MAGI2: variants seen among roughly 807,000 people sequenced by gnomAD.
The protein encoded by MAGI2 is membrane associated guanylate kinase, WW and PDZ domain containing 2.
MAGI2 carries 35 observed loss-of-function variants against 133.3 expected under a neutral mutation model. The ratio of observed to expected loss-of-function variants is 0.26; its 90% CI spans 0.20 to 0.35. The LOEUF (loss-of-function observed/expected upper bound fraction) is 0.35, where lower values mean the gene tolerates loss of function less well. Ranked by LOEUF, MAGI2 falls within the 10% of genes least tolerant of loss-of-function variation. The pLI, the probability that MAGI2 is intolerant of heterozygous loss-of-function variation, is 1.00. For missense variants in MAGI2, 1,636 were observed against 1,863.4 expected, an observed-to-expected ratio of 0.88 and a Z score of 2.25; for synonymous variants, 729 against 710.6, an observed-to-expected ratio of 1.03 and a Z score of -0.41.
Position 79,376,364 on chromosome 7 carries a change from G to A in MAGI2, c.301+76656C>T, listed in dbSNP as rs117450205. 2.0e-5 allele frequency among the ~76,000 whole-genome samples: 3 copies of A among 151,978 alleles called. No homozygotes were observed. The East Asian group carries it at 5.8e-4, about 29-fold the overall frequency. The stretch of plus-strand genomic sequence containing the variant: ...CTCTCTCAAAATATCTCATTCTACT[G>A]TACCCAACCTTCTTTTTTGTGATGA... On this transcript the variant is annotated intron_variant, in intron 1 of 21. Coordinates refer to ENST00000354212, the MANE Select transcript of MAGI2 (RefSeq NM_012301.4).
At chr7:78,955,452 A>G (rs1487833174) in intron 2 of MAGI2, among the ~76,000 whole-genome samples, 2 of 152,192 alleles carry the variant, frequency 1.3e-5, no homozygotes, top group African/African-American at 2.4e-5. Context: ...ATAAAGGTAC[A>G]TATTACAAAA....
intron 3 of MAGI2, among the ~76,000 whole-genome samples, chr7:78,533,147 T>A (rs981376987): frequency 2.0e-5 from 3 of 152,202 alleles, no homozygotes; most frequent in African/African-American, 7.2e-5. Context: ...CAACTAATTC[T>A]TTAAAGGTGT....
chr7:78,986,307 A>G (rs144535008), intron 2 of MAGI2, among the ~76,000 whole-genome samples: 246 of 152,198 alleles, frequency 1.6e-3, no homozygotes, highest in African/African-American at 5.8e-3. Flanking sequence ...CCTATATATC[A>G]TGTATTTAAG....
chr7:78,665,884 G>T (rs1284465607), intron 2 of MAGI2, among the ~76,000 whole-genome samples: 1 of 152,126 alleles, frequency 6.6e-6, no homozygotes, highest in Non-Finnish European at 1.5e-5. Context: ...CAGAGATATA[G>T]TCTGTATCTT....
intron 2 of MAGI2, among the ~76,000 whole-genome samples, chr7:78,704,428 G>A (rs780250347): frequency 2.6e-5 from 4 of 152,134 alleles, no homozygotes; most frequent in Non-Finnish European, 5.9e-5. Flanking sequence ...ACACGCTAGT[G>A]AAGTTGTGGA....
At position 78,038,855 on chromosome 7, in the gene MAGI2, G is replaced by T. The variant is rs187224776; in HGVS notation, c.3707-18879C>A. 5.3e-5 allele frequency among the ~76,000 whole-genome samples: 8 copies of T among 152,354 alleles called. No homozygotes were observed. In the East Asian group the frequency reaches 1.3e-3, roughly 26 times the overall value. On this transcript the variant is annotated intron_variant, in intron 21 of 21. Coordinates refer to ENST00000354212, the MANE Select transcript of MAGI2 (RefSeq NM_012301.4). Reference sequence around the variant, plus strand: ...TCACAGTGCCTGTTGGTTTAGTTAAGTTCGTGGGCGTTTTCACTGAGCCAA... The same window carrying T: ...TCACAGTGCCTGTTGGTTTAGTTAATTTCGTGGGCGTTTTCACTGAGCCAA...
At chr7:78,663,871 AC>A (rs1320559476) in intron 2 of MAGI2, among the ~76,000 whole-genome samples, 1 of 152,202 alleles carries the variant, frequency 6.6e-6, no homozygotes, top group Non-Finnish European at 1.5e-5. Flanking sequence ...ACTGATTATT[AC>A]ACTACAAAAT....
At chr7:78,705,501 T>A (rs1173691294) in intron 2 of MAGI2, among the ~76,000 whole-genome samples, 2 of 152,082 alleles carry the variant, frequency 1.3e-5, no homozygotes, top group African/African-American at 4.8e-5. Flanking sequence ...AATTCCAGGG[T>A]AAATCTAAAG....
At chr7:78,279,281 TG>T (rs1795328601) in intron 9 of MAGI2, among the ~76,000 whole-genome samples, 1 of 147,736 alleles carries the variant, frequency 6.8e-6, no homozygotes, top group Non-Finnish European at 1.5e-5. Context: ...ACAATTTTGA[TG>T]AGACATAGTC....
intron 1 of MAGI2, among the ~76,000 whole-genome samples, chr7:79,140,392 A>G (rs1174948367): frequency 6.6e-6 from 1 of 152,172 alleles, no homozygotes; most frequent in African/African-American, 2.4e-5. Context: ...AAGAATATGA[A>G]TTCCTCTCTG....
rs192152154 is a variant in MAGI2 at position 78,672,006 on chromosome 7, G to T, written c.419-44767C>A. 7.9e-5 allele frequency among the ~76,000 whole-genome samples: 12 copies of T among 152,222 alleles called. No individual in the cohort carries two copies. The East Asian group carries it at 1.5e-3, about 20-fold the overall frequency. ...TTTTAAGTGCAAAGTGACTAAAGAGGCAAGTTTAAGCTTTAGCTTGTAAGG... is the reference window on the plus strand; with the variant it reads ...TTTTAAGTGCAAAGTGACTAAAGAGTCAAGTTTAAGCTTTAGCTTGTAAGG... On this transcript the variant is annotated intron_variant, in intron 2 of 21. Coordinates refer to ENST00000354212, the MANE Select transcript of MAGI2 (RefSeq NM_012301.4).
intron 2 of MAGI2, among the ~76,000 whole-genome samples, chr7:78,686,910 A>G (rs548232148): frequency 4.6e-5 from 7 of 152,338 alleles, no homozygotes; most frequent in African/African-American, 1.7e-4. Flanking sequence ...AAGTTCTAAC[A>G]CCAGTAGCAT....
At chr7:78,571,960 C>T (rs1801543011) in intron 3 of MAGI2, among the ~76,000 whole-genome samples, 1 of 152,104 alleles carries the variant, frequency 6.6e-6, no homozygotes, top group African/African-American at 2.4e-5. Flanking sequence ...TGGCAAAGTC[C>T]TGGCACGCAG....
At chr7:78,242,820 G>C (rs527654350) in intron 10 of MAGI2, among the ~76,000 whole-genome samples, 2 of 152,258 alleles carry the variant, frequency 1.3e-5, no homozygotes, top group East Asian at 3.9e-4. Flanking sequence ...GCTCATGCCT[G>C]TAATCCCAGC....
chr7:78,539,227 C>T (rs182540591), intron 3 of MAGI2, among the ~76,000 whole-genome samples: 46 of 152,206 alleles, frequency 3.0e-4, no homozygotes, highest in East Asian at 7.7e-4. Flanking sequence ...CATAAAGGGA[C>T]GCTGAATTTT....
At chr7:78,430,732 G>T (rs1799711994) in intron 6 of MAGI2, among the ~76,000 whole-genome samples, 1 of 152,056 alleles carries the variant, frequency 6.6e-6, no homozygotes, top group Non-Finnish European at 1.5e-5. Context: ...TCTATTTCCT[G>T]AGATTCCCCC....
At chr7:78,860,537 C>T (rs557726712) in intron 2 of MAGI2, among the ~76,000 whole-genome samples, 1 of 152,278 alleles carries the variant, frequency 6.6e-6, no homozygotes, top group Admixed American at 6.5e-5. Flanking sequence ...CTGGGTATCA[C>T]CAGCGGAGGC....
chr7:78,716,473 C>T (rs187162371), intron 2 of MAGI2, among the ~76,000 whole-genome samples: 3 of 151,956 alleles, frequency 2.0e-5, no homozygotes, highest in African/African-American at 7.2e-5. Flanking sequence ...AAATTAATGG[C>T]AATTAGTGGG....
chr7:78,430,591 T>C (rs1027790910), intron 6 of MAGI2, among the ~76,000 whole-genome samples: 7 of 152,078 alleles, frequency 4.6e-5, no homozygotes, highest in African/African-American at 1.4e-4. Context: ...TTGATGAAAG[T>C]AATAGTATCC....
Sources: allele counts gnomAD v4.1 joint callset (sites outside exome capture counted in the v4.1 genomes callset), GRCh38; gene constraint gnomAD v4.1.1; transcripts MANE v1.5; gene names NCBI Gene and HGNC (gene_info 2026-07-23, HGNC 2026-07-21).